SLC8A3: variants seen among roughly 807,000 people sequenced by gnomAD.
SLC8A3 encodes the protein sodium/calcium exchanger 3.
In SLC8A3, 37 loss-of-function variants were observed where a neutral mutation model predicts 65.4. The observed-to-expected ratio is 0.57, with a 90% confidence interval of 0.44 to 0.74. The LOEUF (loss-of-function observed/expected upper bound fraction) is 0.74, where lower values mean the gene tolerates loss of function less well. SLC8A3 is among the 30% of genes least tolerant of loss of function. The probability of loss-of-function intolerance (pLI) is 0.00; values close to 1 mark genes in which losing one functional copy is unlikely to be tolerated. For missense variants in SLC8A3, 1,112 were observed against 1,172.1 expected (o/e 0.95, Z 0.75); for synonymous variants, 461 against 444.5 (o/e 1.04, Z -0.47).
intron 2 of SLC8A3, among the ~76,000 whole-genome samples, chr14:70,095,283 A>T (rs1268484863): frequency 6.6e-6 from 1 of 152,198 alleles, no homozygotes; most frequent in Non-Finnish European, 1.5e-5. Context: ...AGAGGGCCCT[A>T]GGACCCCCTG....
chr14:70,148,354 G>T (rs942978341), intron 2 of SLC8A3, among the ~76,000 whole-genome samples: 2 of 152,204 alleles, frequency 1.3e-5, no homozygotes, highest in African/African-American at 4.8e-5. Context: ...AGCAGCATCT[G>T]TAATATCACC....
intron 2 of SLC8A3, among the ~76,000 whole-genome samples, chr14:70,101,177 G>A (rs1364967): frequency 0.58 from 88,304 of 151,982 alleles, 26,032 homozygotes; most frequent in African/African-American, 0.64. Context: ...GATTCTGTGA[G>A]GGCAGACAGA....
chr14:70,165,335 C>T (rs1366708152), intron 2 of SLC8A3, among the ~76,000 whole-genome samples: 1 of 152,164 alleles, frequency 6.6e-6, no homozygotes, highest in East Asian at 1.9e-4. Flanking sequence ...TGGACCTGGG[C>T]AGAAGCACTC....
Position 70,166,759 on chromosome 14 carries a change from G to T in SLC8A3, c.1664C>A (p.Thr555Lys). 6.2e-7 allele frequency: 1 copy of T among 1,613,966 alleles called. No individual in the cohort carries two copies. Among genetic ancestry groups the T allele is most frequent in the Non-Finnish European group, 8.5e-7 (1 of 1,179,844 alleles). Residue 555 changes from threonine to lysine, a missense_variant, in exon 2 of 7, where the codon ACA (threonine) becomes AAA (lysine). Physicochemically the swap from Thr to Lys is moderately conservative, Grantham distance 78. Coordinates refer to ENST00000356921, the MANE Select transcript of SLC8A3 (RefSeq NM_182932.3). The stretch of plus-strand genomic sequence containing the variant: ...GATGACTGTACCCCGGGCACCTGAT[G>T]TCCGCAGAACCTTGACCTCCATAAC... Reference protein sequence around the residue: ...IGVMEVKVLRTSGARGTVIVP... With the variant: ...IGVMEVKVLRKSGARGTVIVP...
At chr14:70,176,701 C>T (rs1897931445) in intron 1 of SLC8A3, among the ~76,000 whole-genome samples, 1 of 152,186 alleles carries the variant, frequency 6.6e-6, no homozygotes, top group African/African-American at 2.4e-5. Context: ...TCATACCTTG[C>T]CAAGAATAGT....
intron 1 of SLC8A3, among the ~76,000 whole-genome samples, chr14:70,175,500 G>A (rs567580027): frequency 6.6e-6 from 1 of 152,138 alleles, no homozygotes; most frequent in Admixed American, 6.5e-5. Flanking sequence ...AGATCCCTTA[G>A]GTGAAGAACT....
chr14:70,177,410 T>C (rs913032092), intron 1 of SLC8A3, among the ~76,000 whole-genome samples: 4 of 152,114 alleles, frequency 2.6e-5, no homozygotes, highest in Non-Finnish European at 5.9e-5. Flanking sequence ...GAAAACCAAA[T>C]AATTACACCA....
intron 1 of SLC8A3, among the ~76,000 whole-genome samples, chr14:70,173,989 A>T (rs1362589598): frequency 6.6e-6 from 1 of 152,240 alleles, no homozygotes; most frequent in Non-Finnish European, 1.5e-5. Context: ...GAATCTTCAC[A>T]ATGAAGGAGG....
intron 2 of SLC8A3, among the ~76,000 whole-genome samples, chr14:70,164,319 A>G (rs534781582): frequency 6.6e-6 from 1 of 152,286 alleles, no homozygotes; most frequent in African/African-American, 2.4e-5. Context: ...GTAAAATTGC[A>G]ATTTAAAATA....
intron 2 of SLC8A3, among the ~76,000 whole-genome samples, chr14:70,073,863 C>T: frequency 6.6e-6 from 1 of 152,210 alleles, no homozygotes; most frequent in South Asian, 2.1e-4. Flanking sequence ...CCCTGCCTTC[C>T]ACCTTAATTC....
chr14:70,129,107 A>G (rs1340213781), intron 2 of SLC8A3, among the ~76,000 whole-genome samples: 1 of 152,212 alleles, frequency 6.6e-6, no homozygotes, highest in Non-Finnish European at 1.5e-5. Context: ...GTAGACCTAA[A>G]TATAATTCCC....
chr14:70,144,106 A>AC (rs1895745244), intron 2 of SLC8A3, among the ~76,000 whole-genome samples: 1 of 151,414 alleles, frequency 6.6e-6, no homozygotes, highest in African/African-American at 2.4e-5. Context: ...TCTTCTCCAT[A>AC]CCCCGCTGTG....
chr14:70,168,133 C>T lies in SLC8A3; in HGVS notation c.290G>A (p.Arg97His), dbSNP rs766048508. ...GATGACTTCAATAGATGCCATGAAG[C>T]GGTCAGCAATGATGGACACCCCAAG... is the stretch of plus-strand genomic sequence containing the variant. ...MFLGVSIIADRFMASIEVITS... is the reference protein window; with the variant it reads ...MFLGVSIIADHFMASIEVITS... Residue 97 changes from arginine to histidine, a missense_variant, in exon 2 of 7, where the codon CGC becomes CAC. Coordinates refer to ENST00000356921, the MANE Select transcript of SLC8A3 (RefSeq NM_182932.3). The T allele has an allele frequency of 6.2e-5, 100 of 1,614,092 alleles. 1 individual carries two copies. In the East Asian group the frequency reaches 7.6e-4, roughly 12 times the overall value.
rs374199764 is a variant in SLC8A3, at chr14:70,073,267, A to G, written c.1785-12328T>C. On this transcript the variant is annotated intron_variant, in intron 2 of 6. Transcript: ENST00000356921. ...TGGCCTTCTTGAAAGTAGTCTCTGT[A>G]TGAGTGTTACCCAGTTATTCTCAAA... Among the ~76,000 whole-genome samples the G allele has an allele frequency of 9.2e-5, 14 of 152,232 alleles. 1 individual carries two copies. The highest frequency in any genetic ancestry group is 3.4e-4 in the African/African-American group (14 of 41,546).
At chr14:70,096,584 C>A (rs1409913225) in intron 2 of SLC8A3, among the ~76,000 whole-genome samples, 2 of 152,222 alleles carry the variant, frequency 1.3e-5, no homozygotes, top group Non-Finnish European at 2.9e-5. Context: ...CACCCACTTA[C>A]TAGTTATGTG....
In SLC8A3 at chr14:70,120,260, A is replaced by G. The variant is rs562641697; in HGVS notation, c.1784+46379T>C. On this transcript the variant is annotated intron_variant, in intron 2 of 6. Coordinates refer to ENST00000356921, the MANE Select transcript of SLC8A3 (RefSeq NM_182932.3). Reference sequence around the variant, plus strand: ...ATTTCTGCAGCTAGCGTGAAATACCATGACTAATATACCATGGCTATTATT... The same window carrying G: ...ATTTCTGCAGCTAGCGTGAAATACCGTGACTAATATACCATGGCTATTATT... Among the ~76,000 whole-genome samples the G allele has an allele frequency of 2.6e-5, 4 of 152,346 alleles. No individual in the cohort carries two copies. The East Asian group carries it at 7.7e-4, about 29-fold the overall frequency.
Position 70,056,013 on chromosome 14 carries a change from C to T in SLC8A3, c.1889-3899G>A, listed in dbSNP as rs553848371. Among the ~76,000 whole-genome samples the T allele has an allele frequency of 2.7e-4, 41 of 152,248 alleles. 1 individual carries two copies. In the South Asian group the frequency reaches 8.1e-3, roughly 30 times the overall value. On this transcript the variant is annotated intron_variant, in intron 3 of 6. Transcript: ENST00000356921. ...AGCAGCAGCAAGAGGTGTGAGCAGC[C>T]GGAGAGGCTGCTGAGCACCAGGGCC...
At chr14:70,180,336 G>A (rs79712642) in intron 1 of SLC8A3, among the ~76,000 whole-genome samples, 13,311 of 152,176 alleles carry the variant, frequency 0.087, 819 homozygotes, top group Non-Finnish European at 0.13. Context: ...ATAAAACCTG[G>A]CGAGCAGTCA....
chr14:70,136,897 G>A (rs1443002248), intron 2 of SLC8A3, among the ~76,000 whole-genome samples: 1 of 152,214 alleles, frequency 6.6e-6, no homozygotes, highest in Non-Finnish European at 1.5e-5. Flanking sequence ...AAAATATTTT[G>A]AATGAGTGAA....
Sources: allele counts gnomAD v4.1 joint callset (sites outside exome capture counted in the v4.1 genomes callset), GRCh38; gene constraint gnomAD v4.1.1; transcripts MANE v1.5; gene names NCBI Gene and HGNC (gene_info 2026-07-23, HGNC 2026-07-21).